GAS7: variants seen among roughly 807,000 people sequenced by gnomAD.
GAS7 encodes the protein growth arrest specific 7.
GAS7 carries 28 observed loss-of-function variants against 71.1 expected under a neutral mutation model. That is an observed-to-expected ratio of 0.39 (90% confidence interval 0.29 to 0.54). The LOEUF is 0.54. Ranked by LOEUF, GAS7 falls within the 20% of genes least tolerant of loss-of-function variation. The pLI is 0.62. For missense variants in GAS7, 436 were observed against 627.8 expected (o/e 0.69, Z 3.27); for synonymous variants, 258 against 245.8 (o/e 1.05, Z -0.46).
intron 1 of GAS7, among the ~76,000 whole-genome samples, chr17:10,142,498 A>G (rs1298292485): frequency 6.6e-6 from 1 of 152,052 alleles, no homozygotes; most frequent in Non-Finnish European, 1.5e-5. Context: ...CCTCCCGAGT[A>G]GCTGGGACTA....
At chr17:10,117,669 T>C (rs2073872362) in intron 1 of GAS7, among the ~76,000 whole-genome samples, 1 of 152,060 alleles carries the variant, frequency 6.6e-6, no homozygotes, top group Non-Finnish European at 1.5e-5. Flanking sequence ...GGGGCACCAC[T>C]GGACTGTGGT....
chr17:10,192,735 G>A (rs2074511721), intron 1 of GAS7, among the ~76,000 whole-genome samples: 1 of 152,188 alleles, frequency 6.6e-6, no homozygotes, highest in African/African-American at 2.4e-5. Context: ...GCACACAAGT[G>A]TGACAAAAGA....
intron 2 of GAS7, among the ~76,000 whole-genome samples, chr17:9,982,882 AG>A (rs2152131940): frequency 6.6e-6 from 1 of 152,168 alleles, no homozygotes; most frequent in South Asian, 2.1e-4. Flanking sequence ...AAGAAAGCAA[AG>A]AAAGAGAGAA....
At chr17:9,957,850 G>A (rs1346871605) in intron 5 of GAS7, among the ~76,000 whole-genome samples, 1 of 152,162 alleles carries the variant, frequency 6.6e-6, no homozygotes, top group Non-Finnish European at 1.5e-5. Context: ...GCACTCCAAA[G>A]GAGCTCATGA....
intron 4 of GAS7, among the ~76,000 whole-genome samples, chr17:9,966,161 G>T (rs1476035614): frequency 6.6e-6 from 1 of 151,840 alleles, no homozygotes; most frequent in African/African-American, 2.4e-5. Flanking sequence ...ACCACGCCCG[G>T]CTAATTTTTT....
At chr17:10,178,552 A>G (rs1430707685) in intron 1 of GAS7, among the ~76,000 whole-genome samples, 1 of 151,994 alleles carries the variant, frequency 6.6e-6, no homozygotes, top group African/African-American at 2.4e-5. Context: ...AGCCTGTCTC[A>G]TACCTCTCCT....
intron 4 of GAS7, among the ~76,000 whole-genome samples, chr17:9,965,876 C>A (rs1007089602): frequency 4.6e-5 from 7 of 152,112 alleles, no homozygotes; most frequent in African/African-American, 7.2e-5. Flanking sequence ...GGGGCAGGCA[C>A]CCTCAGGAAC....
Position 10,198,398 on chromosome 17 carries a change from G to A in GAS7, c.-8C>T. 2 of 1,570,074 alleles carry A rather than the reference G, an allele frequency of 1.3e-6. No individual in the cohort carries two copies. Among genetic ancestry groups the A allele is most frequent in the South Asian group, 2.3e-5 (2 of 87,998 alleles). The stretch of plus-strand genomic sequence containing the variant: ...GCAGCGAGCGCCGGACATGGCCTTG[G>A]CGCCCGGGTTCACAGCGCAGCCTGC... On this transcript the variant is annotated 5_prime_UTR_variant, in exon 1 of 14. Coordinates refer to ENST00000432992, the MANE Select transcript of GAS7 (RefSeq NM_201433.2).
chr17:10,079,984 TC>T (rs976882633), intron 1 of GAS7, among the ~76,000 whole-genome samples: 2 of 152,164 alleles, frequency 1.3e-5, no homozygotes, highest in Non-Finnish European at 2.9e-5. Context: ...CCAGAGTGAC[TC>T]CATCTTGTAT....
At position 9,975,935 on chromosome 17, in the gene GAS7, C is replaced by G. The variant is rs1207747410; in HGVS notation, c.385+5869G>C. ...TGAAGTGGGGCAGTTCCGTGCTCAT[C>G]CGGTCTGATGACATAGGGCACAATT... is the stretch of plus-strand genomic sequence containing the variant. On this transcript the variant is annotated intron_variant, in intron 3 of 13. Coordinates refer to ENST00000432992, the MANE Select transcript of GAS7 (RefSeq NM_201433.2). Among the ~76,000 whole-genome samples the G allele has an allele frequency of 3.3e-5, 5 of 152,122 alleles. No individual in the cohort carries two copies. The East Asian group carries it at 9.6e-4, about 29-fold the overall frequency.
chr17:10,198,253 G>C lies in GAS7; in HGVS notation c.138C>G (p.Asp46Glu), dbSNP rs2074555601. 2 of 1,607,388 alleles carry C rather than the reference G, an allele frequency of 1.2e-6. No homozygotes were observed. Among genetic ancestry groups the C allele is most frequent in the Non-Finnish European group, 1.7e-6 (2 of 1,179,490 alleles). The change falls in exon 1 of 14, where the codon GAC becomes GAG. Residue 46 changes from aspartate (D) to glutamate (E), a missense_variant. Asp to Glu is a conservative substitution (Grantham distance 45). Transcript: ENST00000432992. Reference sequence around the variant, plus strand: ...TCGCCGGGAACCAGCCACGGAGCCCGTCCTCCTTCTCGCCTTCCCACCAGC... The same window carrying C: ...TCGCCGGGAACCAGCCACGGAGCCCCTCCTCCTTCTCGCCTTCCCACCAGC... The part of the protein sequence containing the change: ...DGGWWEGEKE[D>E]GLRGWFPASY...
intron 2 of GAS7, among the ~76,000 whole-genome samples, chr17:9,983,296 G>A (rs2070506738): frequency 1.3e-5 from 2 of 152,142 alleles, no homozygotes; most frequent in Non-Finnish European, 2.9e-5. Flanking sequence ...TTTGAGACCA[G>A]CCTGGGCAAG....
intron 5 of GAS7, among the ~76,000 whole-genome samples, chr17:9,948,855 T>C (rs1367089503): frequency 2.0e-5 from 3 of 152,196 alleles, no homozygotes; most frequent in Admixed American, 1.3e-4. Flanking sequence ...CCACCTCTCC[T>C]AGGACGCGGG....
At chr17:10,191,874 CA>C (rs11303007) in intron 1 of GAS7, among the ~76,000 whole-genome samples, 48,431 of 110,016 alleles carry the variant, frequency 0.44, 8,350 homozygotes, top group East Asian at 0.55. Flanking sequence ...GACTCCATCT[CA>C]AAAAAAAAAA....
chr17:10,007,683 A>C (rs574603281), intron 2 of GAS7, among the ~76,000 whole-genome samples: 1 of 151,844 alleles, frequency 6.6e-6, no homozygotes, highest in East Asian at 1.9e-4. Flanking sequence ...AGAAAGTCAT[A>C]AACGCCCACC....
chr17:10,118,367 C>T (rs1185379806), intron 1 of GAS7, among the ~76,000 whole-genome samples: 4 of 152,170 alleles, frequency 2.6e-5, no homozygotes, highest in Non-Finnish European at 5.9e-5. Context: ...ACCTGGTCAG[C>T]CTCTCCGGCC....
intron 1 of GAS7, among the ~76,000 whole-genome samples, chr17:10,174,167 C>G (rs556007356): frequency 1.3e-5 from 2 of 152,334 alleles, no homozygotes; most frequent in East Asian, 3.9e-4. Flanking sequence ...AACGTTCAAA[C>G]TCATAGGCTG....
intron 2 of GAS7, among the ~76,000 whole-genome samples, chr17:9,998,569 C>T (rs879517377): frequency 1.3e-5 from 2 of 151,874 alleles, no homozygotes; most frequent in African/African-American, 2.4e-5. Flanking sequence ...GAGCTCGAGA[C>T]CAGCCTGGGC....
rs1186480335 is a variant in GAS7, at chr17:9,974,924, C to T, written c.386-5162G>A. 1.3e-5 allele frequency among the ~76,000 whole-genome samples: 2 copies of T among 152,228 alleles called. No individual in the cohort carries two copies. Among genetic ancestry groups the T allele is most frequent in the African/African-American group, 2.4e-5 (1 of 41,458 alleles). ...AGTCGCATCCTCAGAGCCCTACTCTCCAGGTTCCTGTTCCCTGAGGAACCC... is the reference window on the plus strand; with the variant it reads ...AGTCGCATCCTCAGAGCCCTACTCTTCAGGTTCCTGTTCCCTGAGGAACCC... On this transcript the variant is annotated intron_variant, in intron 3 of 13. Coordinates refer to ENST00000432992, the MANE Select transcript of GAS7 (RefSeq NM_201433.2). The surrounding 1 kb of genome is among the most constrained non-coding windows in gnomAD (Gnocchi z 4.0).
Sources: allele counts gnomAD v4.1 joint callset (sites outside exome capture counted in the v4.1 genomes callset), GRCh38; gene constraint gnomAD v4.1.1; non-coding constraint Gnocchi (gnomAD v3.1); transcripts MANE v1.5; gene names NCBI Gene and HGNC (gene_info 2026-07-23, HGNC 2026-07-21).